ALOX5: variants seen among roughly 807,000 people sequenced by gnomAD.
ALOX5 encodes the protein arachidonate 5-lipoxygenase, also known as polyunsaturated fatty acid 5-lipoxygenase.
A neutral mutation model predicts 87.9 loss-of-function variants in ALOX5; 64 were observed. The observed-to-expected ratio is 0.73, with a 90% CI of 0.60 to 0.90. The LOEUF is 0.90. ALOX5 is among the 40% of genes least tolerant of loss of function. The pLI, the probability that ALOX5 is intolerant of heterozygous loss-of-function variation, is 0.00. For missense variants in ALOX5, 822 were observed against 907.5 expected (o/e 0.91, Z 1.21); for synonymous variants, 388 against 355.1 (o/e 1.09, Z -1.04).
At chr10:45,441,050 C>CG (rs1382842728) in intron 8 of ALOX5, among the ~76,000 whole-genome samples, 1 of 152,222 alleles carries the variant, frequency 6.6e-6, no homozygotes, top group Non-Finnish European at 1.5e-5. Flanking sequence ...TCAAATAGTA[C>CG]AGCTGCCTTA....
chr10:45,414,223 C>T (rs1331911853), intron 4 of ALOX5, among the ~76,000 whole-genome samples: 2 of 152,196 alleles, frequency 1.3e-5, no homozygotes, highest in Non-Finnish European at 2.9e-5. Flanking sequence ...CAGCATGGCA[C>T]TGGTACCAAA....
At chr10:45,443,903 C>T (rs1564452242) in intron 12 of ALOX5, 75 bp downstream of exon 12, 5 of 1,500,696 alleles carry the variant, frequency 3.3e-6, no homozygotes, top group Middle Eastern at 2.2e-4. Context: ...CGGTTCTGCA[C>T]GCGTACTGCA....
Position 45,443,734 on chromosome 10 carries a change from C to G in ALOX5, c.1580C>G (p.Pro527Arg). 1 of 1,611,882 alleles carries G rather than the reference C, an allele frequency of 6.2e-7. No homozygotes were observed. The highest frequency in any genetic ancestry group is 8.5e-7 in the Non-Finnish European group (1 of 1,179,266). ...GCCGGTGGTTCCACCCTAGGCTTCC[C>G]CAAGTCGGTCAAGAGCCGGGAGCAG... ...GMRGRKSSGF[P>R]KSVKSREQLS... Residue 527 changes from proline to arginine, a missense_variant, in exon 12 of 14, where the codon CCC becomes CGC. Transcript: ENST00000374391.
intron 4 of ALOX5, among the ~76,000 whole-genome samples, chr10:45,418,382 G>A (rs190458228): frequency 6.6e-6 from 1 of 152,290 alleles, no homozygotes. Flanking sequence ...CTCCTCCCCA[G>A]GGTTGTGAGA....
intron 1 of ALOX5, among the ~76,000 whole-genome samples, chr10:45,378,066 C>T (rs138806307): frequency 6.6e-6 from 1 of 152,272 alleles, no homozygotes; most frequent in African/African-American, 2.4e-5. Context: ...TGTGAATCCC[C>T]CGGGGACCCT....
At position 45,428,753 on chromosome 10, in the gene ALOX5, A is replaced by C; in HGVS notation, c.970A>C (p.Ile324Leu). The part of the protein sequence containing the change: ...YKNLANKIVP[I>L]AIQLNQIPGD... ...GAACCTGGCCAACAAGATTGTCCCC[A>C]TTGCCATCCAGGTAGGCTGCTGGGG... The change falls in exon 7 of 14, where the codon ATT (isoleucine) becomes CTT (leucine). Residue 324 changes from isoleucine (I) to leucine (L), a missense_variant. Transcript: ENST00000374391. 6.2e-7 allele frequency: 1 copy of C among 1,613,886 alleles called. No individual in the cohort carries two copies. Among genetic ancestry groups the C allele is most frequent in the African/African-American group, 1.3e-5 (1 of 74,996 alleles).
chr10:45,416,938 AGATG>A (rs566719964), intron 4 of ALOX5, among the ~76,000 whole-genome samples: 2 of 151,778 alleles, frequency 1.3e-5, no homozygotes, highest in East Asian at 1.9e-4. Flanking sequence ...ATGGATGGAT[AGATG>A]GATGGATGGA....
Position 45,440,420 on chromosome 10 carries a change from A to G in ALOX5, c.982-10A>G, listed in dbSNP as rs1471731737. Reference sequence around the variant, plus strand: ...TATAGCAGTGTGTTTCCTTTCCCCCAATGTATCAGCTCAACCAAATCCCGG... The same window carrying G: ...TATAGCAGTGTGTTTCCTTTCCCCCGATGTATCAGCTCAACCAAATCCCGG... On this transcript the variant is annotated splice_polypyrimidine_tract_variant and intron_variant, in intron 7 of 13. Coordinates refer to ENST00000374391, the MANE Select transcript of ALOX5 (RefSeq NM_000698.5). The G allele has an allele frequency of 1.2e-6, 2 of 1,613,298 alleles. No homozygotes were observed. Among genetic ancestry groups the G allele is most frequent in the East Asian group, 2.2e-5 (1 of 44,890 alleles).
Position 45,425,038 on chromosome 10 carries a change from G to A in ALOX5, c.740G>A (p.Arg247Gln), listed in dbSNP as rs140758891. The stretch of plus-strand genomic sequence containing the variant: ...AATGGCTGCAACCCTGTGTTGATCC[G>A]GCGCTGCACAGAGCTGCCCGAGAAG... ...FLNGCNPVLI[R>Q]RCTELPEKLP... is the part of the protein sequence containing the mutation. Residue 247 changes from arginine (R) to glutamine (Q), a missense_variant, in exon 6 of 14, where the codon CGG becomes CAG. Transcript: ENST00000374391. This position sits in a 1 kb window ranked among gnomAD's most constrained non-coding sequence, Gnocchi z 4.4. The A allele has an allele frequency of 5.8e-5, 94 of 1,613,516 alleles. No individual in the cohort carries two copies. The East Asian group carries it at 1.1e-3, about 18-fold the overall frequency.
At chr10:45,442,500 CACAT>C (rs1055691638) in intron 9 of ALOX5, 9 of 152,782 alleles carry the variant, frequency 5.9e-5, no homozygotes, top group African/African-American at 2.2e-4. Context: ...CACGTGGACA[CACAT>C]ATGTGCCAGT....
chr10:45,391,508 C>A (rs55700434), intron 2 of ALOX5, among the ~76,000 whole-genome samples: 1 of 152,010 alleles, frequency 6.6e-6, no homozygotes, highest in Non-Finnish European at 1.5e-5. Context: ...CTCTGCCCGG[C>A]CGCCACCCCG....
chr10:45,427,871 G>C (rs1035490443), intron 6 of ALOX5, among the ~76,000 whole-genome samples: 1 of 152,158 alleles, frequency 6.6e-6, no homozygotes, highest in Non-Finnish European at 1.5e-5. Context: ...ACAGCAAAGG[G>C]CACGGATCCG....
chr10:45,378,207 A>G (rs769663804), intron 1 of ALOX5, among the ~76,000 whole-genome samples: 3 of 152,090 alleles, frequency 2.0e-5, no homozygotes, highest in Non-Finnish European at 4.4e-5. Flanking sequence ...CTGTCCTTCC[A>G]TGCCACTCCA....
intron 3 of ALOX5, among the ~76,000 whole-genome samples, chr10:45,409,059 A>G (rs1198449191): frequency 3.9e-5 from 6 of 152,234 alleles, no homozygotes; most frequent in Non-Finnish European, 8.8e-5. Flanking sequence ...ACCTACTCTC[A>G]TAGCAAGTAA....
chr10:45,445,733 A>T lies in ALOX5; in HGVS notation c.*46A>T. On this transcript the variant is annotated 3_prime_UTR_variant, in exon 14 of 14. Coordinates refer to ENST00000374391, the MANE Select transcript of ALOX5 (RefSeq NM_000698.5). ...TGGGAAGGCCAGCTGCCCCAGCCAG[A>T]TGGACTCCAGCCTGCCTGGCAGGCT... The T allele has an allele frequency of 1.3e-6, 2 of 1,582,436 alleles. No individual in the cohort carries two copies. Among genetic ancestry groups the T allele is most frequent in the Non-Finnish European group, 1.7e-6 (2 of 1,156,918 alleles).
intron 3 of ALOX5, among the ~76,000 whole-genome samples, chr10:45,411,609 C>G (rs1285474800): frequency 2.0e-5 from 3 of 152,186 alleles, no homozygotes; most frequent in Non-Finnish European, 4.4e-5. Flanking sequence ...ATCTCTAAAG[C>G]TGCTATTGGC....
At position 45,445,699 on chromosome 10, in the gene ALOX5, G is replaced by A; in HGVS notation, c.*12G>A. On this transcript the variant is annotated 3_prime_UTR_variant, in exon 14 of 14. Transcript: ENST00000374391. ...GTGTGGCCATCTGAGCACACTGCCA[G>A]TCTCACTGTGGGAAGGCCAGCTGCC... The A allele has an allele frequency of 6.3e-7, 1 of 1,598,730 alleles. No individual in the cohort carries two copies. Among genetic ancestry groups the A allele is most frequent in the Non-Finnish European group, 8.6e-7 (1 of 1,167,862 alleles).
At chr10:45,407,287 C>G (rs1341336591) in intron 3 of ALOX5, among the ~76,000 whole-genome samples, 1 of 152,186 alleles carries the variant, frequency 6.6e-6, no homozygotes, top group South Asian at 2.1e-4. Flanking sequence ...CTTTCTTCCT[C>G]TCTCGTTCAC....
chr10:45,444,469 G>C, intron 13 of ALOX5, 183 bp downstream of exon 13: 4 of 828,616 alleles, frequency 4.8e-6, no homozygotes, highest in Non-Finnish European at 7.2e-6. Flanking sequence ...CCTGGACAGA[G>C]CTCAGGGTGT....
Sources: allele counts gnomAD v4.1 joint callset (sites outside exome capture counted in the v4.1 genomes callset), GRCh38; gene constraint gnomAD v4.1.1; non-coding constraint Gnocchi (gnomAD v3.1); transcripts MANE v1.5; gene names NCBI Gene and HGNC (gene_info 2026-07-23, HGNC 2026-07-21).